ARHGAP10: variants seen among roughly 807,000 people sequenced by gnomAD.
The protein encoded by ARHGAP10 is Rho GTPase activating protein 10, also known as rho GTPase-activating protein 10.
A neutral mutation model predicts 108.6 loss-of-function variants in ARHGAP10; 87 were observed. The observed-to-expected ratio is 0.80, with a 90% CI of 0.67 to 0.96. ARHGAP10 has a LOEUF of 0.96. Ranked by LOEUF, ARHGAP10 falls within the 40% of genes least tolerant of loss-of-function variation. The pLI is 0.00. For missense variants in ARHGAP10, 939 were observed against 954.5 expected, an observed-to-expected ratio of 0.98 and a Z score of 0.21; for synonymous variants, 347 against 341.1, an observed-to-expected ratio of 1.02 and a Z score of -0.19.
At chr4:148,008,668 T>C (rs1741046246) in intron 18 of ARHGAP10, among the ~76,000 whole-genome samples, 1 of 152,156 alleles carries the variant, frequency 6.6e-6, no homozygotes, top group Non-Finnish European at 1.5e-5. Flanking sequence ...GTTTTTAATC[T>C]TGTTAATCAG....
intron 15 of ARHGAP10, among the ~76,000 whole-genome samples, chr4:147,947,155 G>A (rs1166199930): frequency 1.3e-5 from 2 of 150,184 alleles, no homozygotes; most frequent in Non-Finnish European, 3.0e-5. Flanking sequence ...TTAAGATAAA[G>A]TTGTTTTCTA....
At chr4:148,036,658 A>G (rs1055913338) in intron 19 of ARHGAP10, among the ~76,000 whole-genome samples, 1 of 152,162 alleles carries the variant, frequency 6.6e-6, no homozygotes, top group Admixed American at 6.5e-5. Flanking sequence ...TTCCTTTATA[A>G]ATTACCCAGT....
chr4:147,741,792 G>GCACGCACACACA (rs1553944880), intron 1 of ARHGAP10, among the ~76,000 whole-genome samples: 9 of 57,576 alleles, frequency 1.6e-4, no homozygotes, highest in African/African-American at 2.8e-4. Context: ...ACACACACAC[G>GCACGCACACACA]CACACACACA....
At chr4:147,825,105 G>A (rs971012103) in intron 3 of ARHGAP10, among the ~76,000 whole-genome samples, 2 of 152,126 alleles carry the variant, frequency 1.3e-5, no homozygotes, top group African/African-American at 4.8e-5. Flanking sequence ...GGTGGCTGGT[G>A]GGGGTTTATG....
chr4:147,942,195 A>C (rs1738186520), intron 14 of ARHGAP10, among the ~76,000 whole-genome samples: 1 of 152,076 alleles, frequency 6.6e-6, no homozygotes, highest in Admixed American at 6.5e-5. Context: ...TTCAAATTTG[A>C]ATTTTTTCAA....
chr4:147,776,324 A>T (rs904041343), intron 1 of ARHGAP10, among the ~76,000 whole-genome samples: 1 of 152,100 alleles, frequency 6.6e-6, no homozygotes, highest in Non-Finnish European at 1.5e-5. Context: ...GGTTCAAGCA[A>T]TTCTCCTGCC....
intron 16 of ARHGAP10, among the ~76,000 whole-genome samples, chr4:147,960,672 T>G (rs1198965679): frequency 6.6e-6 from 1 of 152,192 alleles, no homozygotes; most frequent in African/African-American, 2.4e-5. Context: ...CTTAATGAAT[T>G]TTCACATGTA....
chr4:147,871,074 C>G (rs368406386), intron 7 of ARHGAP10, among the ~76,000 whole-genome samples: 29 of 152,092 alleles, frequency 1.9e-4, no homozygotes, highest in African/African-American at 6.7e-4. Flanking sequence ...ATTCTCCTGC[C>G]TCAGCCTCCC....
chr4:147,910,661 G>A (rs553940657), intron 12 of ARHGAP10, among the ~76,000 whole-genome samples: 4 of 151,994 alleles, frequency 2.6e-5, no homozygotes, highest in Non-Finnish European at 4.4e-5. Flanking sequence ...AACATGCCCA[G>A]CTCTGTACCC....
At chr4:147,873,888 A>AGG (rs201241757) in intron 7 of ARHGAP10, among the ~76,000 whole-genome samples, 14 of 148,396 alleles carry the variant, frequency 9.4e-5, no homozygotes, top group African/African-American at 3.5e-4. Flanking sequence ...AAAAAAAAAA[A>AGG]AGGGGGGATA....
intron 3 of ARHGAP10, among the ~76,000 whole-genome samples, chr4:147,837,212 T>C (rs1273335951): frequency 6.6e-6 from 1 of 151,664 alleles, no homozygotes; most frequent in East Asian, 1.9e-4. Context: ...TACCAAAGGG[T>C]GAGTGTGGAG....
intron 1 of ARHGAP10, among the ~76,000 whole-genome samples, chr4:147,773,880 T>C (rs1204372591): frequency 6.6e-6 from 1 of 152,200 alleles, no homozygotes; most frequent in Non-Finnish European, 1.5e-5. Flanking sequence ...CTTTGTTCTT[T>C]AGTCCTTGAT....
At chr4:147,832,784 T>C (rs1334004041) in intron 3 of ARHGAP10, among the ~76,000 whole-genome samples, 4 of 152,120 alleles carry the variant, frequency 2.6e-5, no homozygotes, top group African/African-American at 9.7e-5. Flanking sequence ...TACCTTTTTC[T>C]CTTTGTAAGA....
At chr4:147,791,190 C>T (rs956291044) in intron 1 of ARHGAP10, among the ~76,000 whole-genome samples, 50 of 150,632 alleles carry the variant, frequency 3.3e-4, no homozygotes, top group African/African-American at 1.2e-3. Context: ...CAGCTCACTG[C>T]AGCCTCTGTG....
intron 10 of ARHGAP10, among the ~76,000 whole-genome samples, chr4:147,898,531 G>A (rs1022625862): frequency 1.7e-4 from 26 of 151,790 alleles, no homozygotes; most frequent in Admixed American, 6.6e-5. Flanking sequence ...TTACTGCCCG[G>A]TTTAGAAAAT....
At chr4:147,802,465 C>G (rs549922544) in intron 1 of ARHGAP10, among the ~76,000 whole-genome samples, 144 of 152,362 alleles carry the variant, frequency 9.5e-4, no homozygotes, top group Middle Eastern at 3.4e-3. Flanking sequence ...AATGTACTGA[C>G]TGTTTACTGG....
chr4:147,942,782 GTATTCT>G (rs1738208418), intron 14 of ARHGAP10, among the ~76,000 whole-genome samples: 1 of 152,224 alleles, frequency 6.6e-6, no homozygotes, highest in Non-Finnish European at 1.5e-5. Context: ...TGATGAGAGG[GTATTCT>G]TAGTTGTCTT....
chr4:147,913,235 G>T, intron 13 of ARHGAP10, 96 bp downstream of exon 13: 1 of 1,092,416 alleles, frequency 9.2e-7, no homozygotes, highest in South Asian at 1.3e-5. Flanking sequence ...GTTACAGAAT[G>T]AAACGTGTTA....
chr4:147,820,600 TTTTTTTTTTTG>T (rs1732452134), intron 1 of ARHGAP10, among the ~76,000 whole-genome samples: 1 of 140,692 alleles, frequency 7.1e-6, no homozygotes, highest in Middle Eastern at 3.3e-3. Flanking sequence ...TTTTTTTTTT[TTTTTTTTTTTG>T]AGACAGGGTC....
Sources: allele counts gnomAD v4.1 joint callset (sites outside exome capture counted in the v4.1 genomes callset), GRCh38; gene constraint gnomAD v4.1.1; transcripts MANE v1.5; gene names NCBI Gene and HGNC (gene_info 2026-07-23, HGNC 2026-07-21).